The following DLG2 variants were observed in gnomAD, a reference collection of about 807,000 sequenced individuals.
DLG2 encodes the protein discs large MAGUK scaffold protein 2.
Under a neutral mutation model 132.5 loss-of-function variants are expected in DLG2, and 45 were observed. That is an observed-to-expected ratio of 0.34 (90% confidence interval 0.27 to 0.44). The LOEUF is 0.44. Among genes scored for constraint, DLG2 ranks in the 20% least tolerant of loss-of-function variants. The probability of loss-of-function intolerance (pLI) is 1.00; values close to 1 mark genes in which losing one functional copy is unlikely to be tolerated. For missense variants in DLG2, 1,045 were observed against 1,196.9 expected (o/e 0.87, Z 1.87); for synonymous variants, 424 against 419.6 (o/e 1.01, Z -0.13).
At chr11:85,079,139 G>T (rs1314802255) in intron 6 of DLG2, among the ~76,000 whole-genome samples, 2 of 152,040 alleles carry the variant, frequency 1.3e-5, no homozygotes, top group African/African-American at 4.8e-5. Flanking sequence ...GTCCTAGGTG[G>T]ATTCAAAGAT....
chr11:85,152,617 CTTTAGATTAGGG>C (rs951274911), intron 5 of DLG2, among the ~76,000 whole-genome samples: 2 of 152,228 alleles, frequency 1.3e-5, no homozygotes, highest in African/African-American at 4.8e-5. Flanking sequence ...CAGTCTCTCA[CTTTAGATTAGGG>C]TTTAGATTAG....
chr11:84,146,058 T>G (rs2095068888), intron 9 of DLG2, among the ~76,000 whole-genome samples: 1 of 152,178 alleles, frequency 6.6e-6, no homozygotes, highest in Non-Finnish European at 1.5e-5. Flanking sequence ...TCAGAAAGGT[T>G]TCTAGGCAGT....
At chr11:83,973,137 C>A (rs1338437776) in intron 12 of DLG2, among the ~76,000 whole-genome samples, 1 of 152,030 alleles carries the variant, frequency 6.6e-6, no homozygotes, top group Non-Finnish European at 1.5e-5. Flanking sequence ...ATTTATATTT[C>A]TATTTCCATT....
chr11:84,341,004 T>G (rs1231573970), intron 7 of DLG2, among the ~76,000 whole-genome samples: 1 of 152,162 alleles, frequency 6.6e-6, no homozygotes, highest in Non-Finnish European at 1.5e-5. Flanking sequence ...CAAATATTTC[T>G]GAGTAGTTTA....
intron 7 of DLG2, among the ~76,000 whole-genome samples, chr11:84,506,179 C>T (rs1223831591): frequency 3.3e-5 from 5 of 149,568 alleles, no homozygotes; most frequent in South Asian, 2.1e-4. Context: ...GGGTTCAAGC[C>T]ATTCTCCTGC....
intron 6 of DLG2, among the ~76,000 whole-genome samples, chr11:84,938,236 C>T (rs2048979636): frequency 6.6e-6 from 1 of 152,060 alleles, no homozygotes; most frequent in Admixed American, 6.5e-5. Context: ...TATTATGTCC[C>T]CATAGCATCT....
chr11:85,435,352 G>A (rs2091420223), intron 3 of DLG2, among the ~76,000 whole-genome samples: 1 of 152,148 alleles, frequency 6.6e-6, no homozygotes, highest in Non-Finnish European at 1.5e-5. Context: ...ACTCAAATGG[G>A]AAGAGAGGGA....
At chr11:84,712,153 G>A (rs2060522851) in intron 6 of DLG2, among the ~76,000 whole-genome samples, 1 of 152,100 alleles carries the variant, frequency 6.6e-6, no homozygotes, top group Non-Finnish European at 1.5e-5. Flanking sequence ...CCATAAGTGA[G>A]TACAAGGCAA....
intron 21 of DLG2, among the ~76,000 whole-genome samples, chr11:83,512,027 A>G (rs1349209573): frequency 6.6e-6 from 1 of 152,184 alleles, no homozygotes; most frequent in Non-Finnish European, 1.5e-5. Flanking sequence ...GGAAATTTGT[A>G]AACAGTTTGT....
At chr11:85,134,241 C>T (rs983651875) in intron 5 of DLG2, among the ~76,000 whole-genome samples, 2 of 151,376 alleles carry the variant, frequency 1.3e-5, no homozygotes, top group African/African-American at 4.9e-5. Context: ...CACCCCACTA[C>T]TAACCACCAC....
chr11:84,980,244 T>C (rs992496336), intron 6 of DLG2, among the ~76,000 whole-genome samples: 1 of 152,178 alleles, frequency 6.6e-6, no homozygotes, highest in Admixed American at 6.6e-5. Context: ...ACCTCTCATA[T>C]GGAGTATTAA....
At chr11:84,306,726 C>T (rs1488904911) in intron 7 of DLG2, among the ~76,000 whole-genome samples, 1 of 152,196 alleles carries the variant, frequency 6.6e-6, no homozygotes, top group Non-Finnish European at 1.5e-5. Flanking sequence ...GCATCCCTGA[C>T]CCTCTTCCCC....
intron 15 of DLG2, among the ~76,000 whole-genome samples, chr11:83,912,565 G>A (rs1037614507): frequency 6.6e-6 from 1 of 151,986 alleles, no homozygotes. Context: ...ACAAATCCAC[G>A]TTTTAGTTTT....
intron 6 of DLG2, among the ~76,000 whole-genome samples, chr11:85,057,206 G>T (rs1189300896): frequency 1.3e-5 from 2 of 151,134 alleles, no homozygotes; most frequent in African/African-American, 2.4e-5. Flanking sequence ...GAAGGAAGAA[G>T]ATAATTAAGA....
intron 15 of DLG2, among the ~76,000 whole-genome samples, chr11:83,890,766 C>T (rs200670978): frequency 2.2e-4 from 33 of 151,970 alleles, no homozygotes; most frequent in South Asian, 1.0e-3. Context: ...GGCAGAGTGA[C>T]GTGGGTATAG....
intron 7 of DLG2, among the ~76,000 whole-genome samples, chr11:84,368,593 A>G (rs1469967730): frequency 1.3e-5 from 2 of 152,152 alleles, no homozygotes; most frequent in African/African-American, 4.8e-5. Context: ...GTTAGATATT[A>G]GGAGTTCAGG....
At chr11:84,363,828 C>T (rs536477635) in intron 7 of DLG2, among the ~76,000 whole-genome samples, 221 of 151,524 alleles carry the variant, frequency 1.5e-3, no homozygotes, top group South Asian at 2.7e-3. Context: ...TGTAGATATG[C>T]GGCGTTATTT....
chr11:83,633,900 T>G (rs564652503), intron 18 of DLG2, among the ~76,000 whole-genome samples: 1 of 152,086 alleles, frequency 6.6e-6, no homozygotes, highest in African/African-American at 2.4e-5. Flanking sequence ...AAATAGTTAT[T>G]TCTTACAGCT....
chr11:84,443,305 G>A (rs1451618303), intron 7 of DLG2, among the ~76,000 whole-genome samples: 1 of 151,742 alleles, frequency 6.6e-6, no homozygotes, highest in Non-Finnish European at 1.5e-5. Flanking sequence ...TAAGAAATAA[G>A]TTCTTCATAA....
Sources: allele counts gnomAD v4.1 joint callset (sites outside exome capture counted in the v4.1 genomes callset), GRCh38; gene constraint gnomAD v4.1.1; transcripts MANE v1.5; gene names NCBI Gene and HGNC (gene_info 2026-07-23, HGNC 2026-07-21).